PLD1: variants seen among roughly 807,000 people sequenced by gnomAD.
PLD1 encodes the protein phospholipase D1.
In PLD1, 112 loss-of-function variants were observed where a neutral mutation model predicts 137.1. That is an observed-to-expected ratio of 0.82 (90% CI 0.70 to 0.96). The LOEUF is 0.96. PLD1 is among the 40% of genes least tolerant of loss of function. The probability of loss-of-function intolerance (pLI) is 0.00; values close to 1 mark genes in which losing one functional copy is unlikely to be tolerated. For missense variants in PLD1, 1,321 were observed against 1,342.0 expected (o/e 0.98, Z 0.24); for synonymous variants, 431 against 454.7 (o/e 0.95, Z 0.66).
chr3:171,727,541 T>C (rs1199444274), intron 6 of PLD1, among the ~76,000 whole-genome samples: 1 of 152,172 alleles, frequency 6.6e-6, no homozygotes, highest in Admixed American at 6.5e-5. Context: ...AATAGCAGCC[T>C]TGATAGACCA....
At chr3:171,724,894 A>G (rs1236610177) in intron 7 of PLD1, 106 bp from the exon 8 acceptor site, 6 of 750,932 alleles carry the variant, frequency 8.0e-6, no homozygotes, top group Non-Finnish European at 1.4e-5. Flanking sequence ...TTCTCACATG[A>G]CTTTCCTCCC....
chr3:171,713,151 T>C (rs1450676494), intron 9 of PLD1, among the ~76,000 whole-genome samples: 2 of 152,288 alleles, frequency 1.3e-5, no homozygotes, highest in South Asian at 4.1e-4. Flanking sequence ...TAAATGTACA[T>C]GAGTGTCCTT....
At chr3:171,631,410 T>C (rs1734647671) in intron 23 of PLD1, among the ~76,000 whole-genome samples, 2 of 151,980 alleles carry the variant, frequency 1.3e-5, no homozygotes, top group Non-Finnish European at 1.5e-5. Flanking sequence ...TGCTGTGGGA[T>C]TGGAATTGGA....
At chr3:171,692,585 A>G (rs1442681967) in intron 12 of PLD1, 143 bp from the exon 13 acceptor site, 1 of 573,502 alleles carries the variant, frequency 1.7e-6, no homozygotes, top group Non-Finnish European at 3.1e-6. Flanking sequence ...CAGTGGCGCA[A>G]TCTCGGCTCA....
At chr3:171,660,204 T>C (rs1737551912) in intron 20 of PLD1, among the ~76,000 whole-genome samples, 1 of 152,244 alleles carries the variant, frequency 6.6e-6, no homozygotes, top group Non-Finnish European at 1.5e-5. Context: ...CATTATCATT[T>C]TTATGACTAT....
chr3:171,768,660 A>G (rs147493734), intron 1 of PLD1, among the ~76,000 whole-genome samples: 15 of 152,292 alleles, frequency 9.8e-5, no homozygotes, highest in Non-Finnish European at 2.1e-4. Context: ...AACTTCCTCA[A>G]CGTTTGGGGC....
chr3:171,805,626 C>T (rs1209153107), intron 1 of PLD1, among the ~76,000 whole-genome samples: 3 of 152,028 alleles, frequency 2.0e-5, no homozygotes, highest in African/African-American at 7.3e-5. Context: ...ACCTTAATTT[C>T]GTTTTCCGAA....
At chr3:171,609,508 AC>A (rs1241126451) in intron 25 of PLD1, among the ~76,000 whole-genome samples, 4 of 9,318 alleles carry the variant, frequency 4.3e-4, no homozygotes, top group South Asian at 1.9e-3. Flanking sequence ...CATAAAGAAA[AC>A]ACACACACAC....
intron 1 of PLD1, among the ~76,000 whole-genome samples, chr3:171,790,164 A>G (rs1288694801): frequency 6.6e-6 from 1 of 152,240 alleles, no homozygotes; most frequent in East Asian, 1.9e-4. Flanking sequence ...AAGTCCTTTA[A>G]AAGAGGGCTT....
chr3:171,747,798 G>C (rs1055173804), intron 1 of PLD1, among the ~76,000 whole-genome samples: 1 of 152,096 alleles, frequency 6.6e-6, no homozygotes, highest in South Asian at 2.1e-4. Context: ...TTTTAAGCAA[G>C]GAAACTGAAG....
chr3:171,626,964 A>C (rs1734168143), intron 23 of PLD1, among the ~76,000 whole-genome samples: 1 of 152,208 alleles, frequency 6.6e-6, no homozygotes, highest in Admixed American at 6.5e-5. Flanking sequence ...CGAGCAAAAT[A>C]ACCAGCTAAC....
At position 171,605,425 on chromosome 3, in the gene PLD1, C is replaced by A. The variant is rs1322981309; in HGVS notation, c.2883-9G>T. The A allele has an allele frequency of 1.1e-5, 17 of 1,491,740 alleles. No homozygotes were observed. The highest frequency in any genetic ancestry group is 1.6e-5 in the Non-Finnish European group (17 of 1,068,484). 92.4% of individuals were successfully genotyped at this position (1,491,740 alleles called of 1,614,324 possible). A position where few individuals can be genotyped will look rare whatever the true frequency, so the allele number is the denominator to read the frequency against. On this transcript the variant is annotated splice_polypyrimidine_tract_variant and intron_variant, in intron 25 of 26. Coordinates refer to ENST00000351298, the MANE Select transcript of PLD1 (RefSeq NM_002662.5). The stretch of plus-strand genomic sequence containing the variant: ...GATAGCCAAGGACAACCCTGAAATA[C>A]AAGTGACCTCCACATTGAGTAACTG...
chr3:171,753,057 G>C (rs569400658), intron 1 of PLD1, among the ~76,000 whole-genome samples: 5 of 152,252 alleles, frequency 3.3e-5, no homozygotes, highest in African/African-American at 1.2e-4. Flanking sequence ...TTCAGGGGTG[G>C]ATTATTTCTT....
At chr3:171,603,807 C>A (rs576612934) in intron 26 of PLD1, among the ~76,000 whole-genome samples, 8 of 152,002 alleles carry the variant, frequency 5.3e-5, no homozygotes, top group Non-Finnish European at 1.2e-4. Context: ...AGGACATGTG[C>A]CTATATAATC....
rs770915209 is a variant in PLD1, at chr3:171,726,057, C to T, written c.626G>A (p.Ser209Asn). 5.0e-6 allele frequency: 8 copies of T among 1,612,308 alleles called. No homozygotes were observed. In the South Asian group the frequency reaches 6.6e-5, roughly 13 times the overall value. ...YHATTEFLDISQLSFIHDLGP... is the reference protein window; with the variant it reads ...YHATTEFLDINQLSFIHDLGP... The stretch of plus-strand genomic sequence containing the variant: ...CAAATCATGGATGAAAGACAGCTGG[C>T]TTATATCAAGAAACTCTGTCTGAAA... Residue 209 changes from serine to asparagine, a missense_variant, in exon 7 of 27, where the codon AGC (serine) becomes AAC (asparagine). Transcript: ENST00000351298.
chr3:171,794,144 C>CAA (rs201615949), intron 1 of PLD1, among the ~76,000 whole-genome samples: 37,254 of 118,246 alleles, frequency 0.32, 5,363 homozygotes, highest in Admixed American at 0.4. Flanking sequence ...GAATCCATCT[C>CAA]AAAAAAAAAA....
At chr3:171,644,216 A>T (rs993288130) in intron 22 of PLD1, among the ~76,000 whole-genome samples, 4 of 152,192 alleles carry the variant, frequency 2.6e-5, no homozygotes, top group African/African-American at 9.7e-5. Flanking sequence ...CCCTGAGAGA[A>T]GGTCAGAGGT....
chr3:171,666,796 A>G (rs1428173404), intron 19 of PLD1, among the ~76,000 whole-genome samples: 1 of 152,250 alleles, frequency 6.6e-6, no homozygotes, highest in Non-Finnish European at 1.5e-5. Context: ...GTTTGAATAC[A>G]TAATTTTAAA....
chr3:171,753,286 C>T (rs369917532), intron 1 of PLD1, among the ~76,000 whole-genome samples: 4 of 152,176 alleles, frequency 2.6e-5, no homozygotes, highest in African/African-American at 9.7e-5. Context: ...AATCCTGTGA[C>T]GACATTCCCA....
Sources: allele counts gnomAD v4.1 joint callset (sites outside exome capture counted in the v4.1 genomes callset), GRCh38; gene constraint gnomAD v4.1.1; transcripts MANE v1.5; gene names NCBI Gene and HGNC (gene_info 2026-07-23, HGNC 2026-07-21).